ATP8A2: variants seen among roughly 807,000 people sequenced by gnomAD.
The protein encoded by ATP8A2 is phospholipid-transporting ATPase IB.
Under a neutral mutation model 165.6 loss-of-function variants are expected in ATP8A2, and 100 were observed. That is an observed-to-expected ratio of 0.60 (90% confidence interval 0.51 to 0.71). The LOEUF (loss-of-function observed/expected upper bound fraction) is 0.71, where lower values mean the gene tolerates loss of function less well. ATP8A2 is among the 30% of genes least tolerant of loss of function. The probability of loss-of-function intolerance (pLI) is 0.00; values close to 1 mark genes in which losing one functional copy is unlikely to be tolerated. For missense variants in ATP8A2, 1,227 were observed against 1,479.5 expected, an observed-to-expected ratio of 0.83 and a Z score of 2.80; for synonymous variants, 543 against 548.8, an observed-to-expected ratio of 0.99 and a Z score of 0.15.
rs1196468699 is a variant in ATP8A2 at position 25,851,641 on chromosome 13, C to G, written c.2957-8554C>G. ...TTTAGAAGCTACATTTAGAAAACATCCTTTAGATTTCTCTGTTTCTGCTGT... is the reference window on the plus strand; with the variant it reads ...TTTAGAAGCTACATTTAGAAAACATGCTTTAGATTTCTCTGTTTCTGCTGT... On this transcript the variant is annotated intron_variant, in intron 30 of 36. Transcript: ENST00000381655. Among the ~76,000 whole-genome samples the G allele has an allele frequency of 2.6e-5, 4 of 151,750 alleles. No homozygotes were observed. The East Asian group carries it at 7.8e-4, about 29-fold the overall frequency.
At chr13:25,836,591 C>T (rs1273974005) in intron 28 of ATP8A2, among the ~76,000 whole-genome samples, 1 of 152,126 alleles carries the variant, frequency 6.6e-6, no homozygotes, top group Non-Finnish European at 1.5e-5. Flanking sequence ...TGCCTGTTGC[C>T]CCACTGCCCT....
intron 24 of ATP8A2, among the ~76,000 whole-genome samples, chr13:25,599,609 C>G (rs2040328807): frequency 6.6e-6 from 1 of 152,118 alleles, no homozygotes; most frequent in Non-Finnish European, 1.5e-5. Flanking sequence ...TTGGGTTTTT[C>G]TTTTGTAATA....
At chr13:25,888,068 A>ACACC (rs1953218189) in intron 33 of ATP8A2, among the ~76,000 whole-genome samples, 1 of 105,582 alleles carries the variant, frequency 9.5e-6, no homozygotes. Context: ...AAGAACCCAG[A>ACACC]CCCCCCCCCC....
chr13:25,656,357 C>T (rs2041927080), intron 24 of ATP8A2, among the ~76,000 whole-genome samples: 1 of 151,510 alleles, frequency 6.6e-6, no homozygotes, highest in East Asian at 2.0e-4. Context: ...CTCACTGCAA[C>T]CTCCGCCTCC....
chr13:25,575,636 G>A (rs2039594946), intron 19 of ATP8A2, among the ~76,000 whole-genome samples: 1 of 152,044 alleles, frequency 6.6e-6, no homozygotes, highest in East Asian at 1.9e-4. Flanking sequence ...TTATCTTTGT[G>A]TAGGAAATAC....
chr13:25,830,838 C>T (rs1355174434), intron 28 of ATP8A2, among the ~76,000 whole-genome samples: 2 of 152,162 alleles, frequency 1.3e-5, no homozygotes, highest in African/African-American at 4.8e-5. Context: ...ATGTCGCTTT[C>T]CTGCTTAACA....
At chr13:25,958,253 A>C (rs180747397) in intron 33 of ATP8A2, among the ~76,000 whole-genome samples, 259 of 152,114 alleles carry the variant, frequency 1.7e-3, no homozygotes, top group African/African-American at 5.1e-3. Context: ...CCTATATAAC[A>C]AACCTGCATA....
In ATP8A2 at chr13:25,953,814, T is replaced by C. The variant is rs1217259837; in HGVS notation, c.3184-7761T>C. On this transcript the variant is annotated intron_variant, in intron 33 of 36. Coordinates refer to ENST00000381655, the MANE Select transcript of ATP8A2 (RefSeq NM_016529.6). This position sits in a 1 kb window ranked among gnomAD's most constrained non-coding sequence, Gnocchi z 6.7. ...GGACTGTGCTGTAAGGAACCATGCATTCCGTCCCAGATACTATGCTTTTCC... is the reference window on the plus strand; with the variant it reads ...GGACTGTGCTGTAAGGAACCATGCACTCCGTCCCAGATACTATGCTTTTCC... Among the ~76,000 whole-genome samples, 1 of 152,166 alleles carries C rather than the reference T, an allele frequency of 6.6e-6. No homozygotes were observed. Among genetic ancestry groups the C allele is most frequent in the Non-Finnish European group, 1.5e-5 (1 of 68,020 alleles).
chr13:25,904,321 T>A (rs61947368), intron 33 of ATP8A2, among the ~76,000 whole-genome samples: 2 of 152,216 alleles, frequency 1.3e-5, no homozygotes, highest in African/African-American at 4.8e-5. Flanking sequence ...ACTGCCCAGC[T>A]CAGGCTGAGC....
At chr13:25,999,589 T>A (rs963944331) in intron 35 of ATP8A2, among the ~76,000 whole-genome samples, 1 of 152,112 alleles carries the variant, frequency 6.6e-6, no homozygotes, top group Admixed American at 6.5e-5. Flanking sequence ...GCACAATCTC[T>A]GTAAGGGCAT....
intron 19 of ATP8A2, among the ~76,000 whole-genome samples, chr13:25,575,266 G>T (rs374681510): frequency 2.6e-5 from 4 of 152,202 alleles, no homozygotes; most frequent in African/African-American, 9.7e-5. Context: ...ACTGACAAAT[G>T]ATGACAGATG....
At chr13:25,913,048 G>A (rs1265438284) in intron 33 of ATP8A2, among the ~76,000 whole-genome samples, 6 of 152,170 alleles carry the variant, frequency 3.9e-5, no homozygotes, top group Admixed American at 2.0e-4. Flanking sequence ...GGGATAAAGA[G>A]TTAAAAATAG....
At chr13:25,482,898 A>G (rs1405755653) in intron 2 of ATP8A2, among the ~76,000 whole-genome samples, 1 of 152,194 alleles carries the variant, frequency 6.6e-6, no homozygotes, top group Non-Finnish European at 1.5e-5. Context: ...ATTCCAATTA[A>G]ACCTCTTTCT....
intron 24 of ATP8A2, chr13:25,591,447 G>A (rs1565959554): frequency 2.3e-6 from 1 of 444,220 alleles, no homozygotes; most frequent in Non-Finnish European, 4.5e-6. Flanking sequence ...GTAACATAAT[G>A]TCTTCAAGGT....
Position 25,860,864 on chromosome 13 carries a change from A to C in ATP8A2, c.3075+4A>C. The C allele has an allele frequency of 1.9e-6, 3 of 1,574,544 alleles. No homozygotes were observed. In the East Asian group the frequency reaches 6.8e-5, roughly 35 times the overall value. On this transcript the variant is annotated splice_donor_region_variant and intron_variant, in intron 32 of 36. Coordinates refer to ENST00000381655, the MANE Select transcript of ATP8A2 (RefSeq NM_016529.6). ...GGAGACCACAGCTTGGACTAAAGTA[A>C]GTTTTCTCTAGAATTGTTTCTCTGT...
intron 24 of ATP8A2, among the ~76,000 whole-genome samples, chr13:25,694,799 T>G (rs190039118): frequency 3.3e-5 from 5 of 152,244 alleles, no homozygotes; most frequent in Non-Finnish European, 1.5e-5. Context: ...CCCTTCTGAG[T>G]AGCTGGGACT....
intron 27 of ATP8A2, among the ~76,000 whole-genome samples, chr13:25,796,398 G>A (rs1452372203): frequency 1.3e-5 from 2 of 152,202 alleles, no homozygotes; most frequent in African/African-American, 4.8e-5. Flanking sequence ...GGTGTGTGTT[G>A]TTTATTACCT....
At chr13:25,836,043 A>G (rs1382625752) in intron 28 of ATP8A2, among the ~76,000 whole-genome samples, 1 of 152,176 alleles carries the variant, frequency 6.6e-6, no homozygotes. Flanking sequence ...ACAAAAAGTG[A>G]TTGGTTGTTT....
intron 30 of ATP8A2, among the ~76,000 whole-genome samples, chr13:25,856,088 T>C (rs1196860255): frequency 6.6e-6 from 1 of 152,228 alleles, no homozygotes; most frequent in Non-Finnish European, 1.5e-5. Flanking sequence ...TTTTCCATTT[T>C]TCAGGTTGTC....
Sources: allele counts gnomAD v4.1 joint callset (sites outside exome capture counted in the v4.1 genomes callset), GRCh38; gene constraint gnomAD v4.1.1; non-coding constraint Gnocchi (gnomAD v3.1); transcripts MANE v1.5; gene names NCBI Gene and HGNC (gene_info 2026-07-23, HGNC 2026-07-21).